ZNF385B: variants seen among roughly 807,000 people sequenced by gnomAD.
The protein encoded by ZNF385B is zinc finger protein 385B.
In ZNF385B, 23 loss-of-function variants were observed where a neutral mutation model predicts 39.2. The ratio of observed to expected loss-of-function variants is 0.59; its 90% confidence interval spans 0.42 to 0.83. The LOEUF (loss-of-function observed/expected upper bound fraction) is 0.83. Among genes scored for constraint, ZNF385B ranks in the 40% least tolerant of loss-of-function variants. The pLI, the probability that ZNF385B is intolerant of heterozygous loss-of-function variation, is 0.00. For missense variants in ZNF385B, 552 were observed against 598.9 expected, an observed-to-expected ratio of 0.92 and a Z score of 0.82; for synonymous variants, 205 against 222.6, an observed-to-expected ratio of 0.92 and a Z score of 0.70.
intron 4 of ZNF385B, among the ~76,000 whole-genome samples, chr2:179,536,693 C>T (rs2105879620): frequency 6.6e-6 from 1 of 152,266 alleles, no homozygotes; most frequent in Non-Finnish European, 1.5e-5. Context: ...CAGAGAGCAA[C>T]TTCTGTCTAA....
rs534708449 is a variant in ZNF385B, at chr2:179,565,630, C to A, written c.299-20661G>T. 9.9e-4 allele frequency among the ~76,000 whole-genome samples: 151 copies of A among 152,358 alleles called. 2 individuals are homozygous for A. The South Asian group carries it at 0.02, about 20-fold the overall frequency. On this transcript the variant is annotated intron_variant, in intron 3 of 9. Coordinates refer to ENST00000410066, the MANE Select transcript of ZNF385B (RefSeq NM_152520.6). ...GTAGTTGCTCCAGAAATGTTCACTG[C>A]ACGAAGCACTAGCTGGTTCTTGGAC...
chr2:179,585,708 TCC>T (rs1687010279), intron 3 of ZNF385B, among the ~76,000 whole-genome samples: 1 of 152,170 alleles, frequency 6.6e-6, no homozygotes, highest in Non-Finnish European at 1.5e-5. Flanking sequence ...TTACAGACTT[TCC>T]TCCTCTTCCC....
At chr2:179,612,455 C>T (rs1689367098) in intron 3 of ZNF385B, among the ~76,000 whole-genome samples, 1 of 150,176 alleles carries the variant, frequency 6.7e-6, no homozygotes, top group Non-Finnish European at 1.5e-5. Context: ...CACTCCAAGC[C>T]CAGTAATGCT....
chr2:179,544,298 T>A, intron 4 of ZNF385B, among the ~76,000 whole-genome samples: 1 of 152,218 alleles, frequency 6.6e-6, no homozygotes, highest in East Asian at 1.9e-4. Context: ...AGTATGTAGA[T>A]TTAAAATGAG....
chr2:179,682,202 T>C lies in ZNF385B; in HGVS notation c.298+87301A>G, dbSNP rs568090813. 2.0e-5 allele frequency among the ~76,000 whole-genome samples: 3 copies of C among 152,336 alleles called. No individual in the cohort carries two copies. In the South Asian group the frequency reaches 6.2e-4, roughly 32 times the overall value. ...GGACCTGCTTTTACTTATTATAGTG[T>C]TCCTCTTCCCCACCTTCCCCTTTCT... On this transcript the variant is annotated intron_variant, in intron 3 of 9. Transcript: ENST00000410066.
chr2:179,711,280 T>C (rs1222801576), intron 3 of ZNF385B, among the ~76,000 whole-genome samples: 1 of 152,190 alleles, frequency 6.6e-6, no homozygotes, highest in Admixed American at 6.5e-5. Flanking sequence ...AACCATGTGG[T>C]TTAATCAATT....
chr2:179,678,038 C>T (rs1697090053), intron 3 of ZNF385B, among the ~76,000 whole-genome samples: 2 of 151,838 alleles, frequency 1.3e-5, no homozygotes, highest in Non-Finnish European at 2.9e-5. Context: ...TATCAAGGGG[C>T]CACAAACCAA....
chr2:179,578,510 G>A (rs1004887526), intron 3 of ZNF385B, among the ~76,000 whole-genome samples: 12 of 152,088 alleles, frequency 7.9e-5, no homozygotes, highest in African/African-American at 2.7e-4. Flanking sequence ...CTGAGACTAT[G>A]AGGCATAGAA....
intron 3 of ZNF385B, among the ~76,000 whole-genome samples, chr2:179,555,507 A>C (rs1253223262): frequency 6.7e-6 from 1 of 149,680 alleles, no homozygotes; most frequent in Admixed American, 6.6e-5. Flanking sequence ...AGAATTTTTA[A>C]AAAATGCAGT....
In ZNF385B at chr2:179,444,792, A is replaced by C. The variant is rs1467671562; in HGVS notation, c.1242+84T>G. 3 of 1,130,542 alleles carry C rather than the reference A, an allele frequency of 2.7e-6. No individual in the cohort carries two copies. The African/African-American group carries it at 4.6e-5, about 17-fold the overall frequency. 70.0% of individuals were successfully genotyped at this position (1,130,542 alleles called of 1,614,324 possible). A position where few individuals can be genotyped will look rare whatever the true frequency, so the allele number is the denominator to read the frequency against. ...AATTTGAAACCTTTCATGACATTAG[A>C]CTCTATGCCCTCCTTGCCCACAATG... is the stretch of plus-strand genomic sequence containing the variant. On this transcript the variant is annotated intron_variant, in intron 9 of 9. Coordinates refer to ENST00000410066, the MANE Select transcript of ZNF385B (RefSeq NM_152520.6).
intron 3 of ZNF385B, among the ~76,000 whole-genome samples, chr2:179,739,065 G>A (rs571855132): frequency 1.3e-5 from 2 of 152,192 alleles, no homozygotes; most frequent in Non-Finnish European, 2.9e-5. Context: ...AATCTCAGCT[G>A]AGCTAGCTAG....
intron 2 of ZNF385B, 50 bp from the exon 3 acceptor site, chr2:179,769,852 T>G (rs559475219): frequency 4.4e-4 from 657 of 1,486,494 alleles, no homozygotes; most frequent in South Asian, 6.8e-4. Flanking sequence ...TATGCCTTAT[T>G]TTCTAGTATG....
intron 1 of ZNF385B, among the ~76,000 whole-genome samples, chr2:179,781,826 T>C (rs1704682601): frequency 6.6e-6 from 1 of 152,080 alleles, no homozygotes; most frequent in Non-Finnish European, 1.5e-5. Flanking sequence ...ATTGAATCAG[T>C]TGTAAATAGC....
At position 179,483,217 on chromosome 2, in the gene ZNF385B, G is replaced by A; in HGVS notation, c.715+55C>T. ...AACTGAGGGCAGGAAAACGGGGTCA[G>A]GGCAGGGGAACAGGAGAAACACAAA... On this transcript the variant is annotated intron_variant, in intron 6 of 9. Transcript: ENST00000410066. 3.1e-6 allele frequency: 5 copies of A among 1,599,728 alleles called. No homozygotes were observed. In the South Asian group the frequency reaches 5.5e-5, roughly 18 times the overall value.
At chr2:179,717,719 C>A (rs955690590) in intron 3 of ZNF385B, among the ~76,000 whole-genome samples, 60 of 152,242 alleles carry the variant, frequency 3.9e-4, no homozygotes, top group African/African-American at 1.4e-3. Flanking sequence ...CAGAGTGAGA[C>A]CCTGTCTCAA....
At chr2:179,598,462 G>A (rs938684439) in intron 3 of ZNF385B, among the ~76,000 whole-genome samples, 8 of 152,014 alleles carry the variant, frequency 5.3e-5, no homozygotes, top group African/African-American at 1.9e-4. Context: ...TGGTTCTAAC[G>A]TGCTTTAGTC....
chr2:179,768,281 A>G (rs937027871), intron 3 of ZNF385B, among the ~76,000 whole-genome samples: 3 of 152,154 alleles, frequency 2.0e-5, no homozygotes, highest in African/African-American at 7.2e-5. Context: ...ATATATAACT[A>G]TAGGTAAATG....
intron 3 of ZNF385B, among the ~76,000 whole-genome samples, chr2:179,761,761 C>CTTTTTTTTTTTTTTT (rs34325728): frequency 4.1e-3 from 447 of 110,112 alleles, no homozygotes; most frequent in Middle Eastern, 6.2e-3. Context: ...TTTTTCTTTT[C>CTTTTTTTTTTTTTTT]TTTTTTTTTT....
chr2:179,518,257 T>C (rs1034864130), intron 5 of ZNF385B, among the ~76,000 whole-genome samples: 1 of 152,212 alleles, frequency 6.6e-6, no homozygotes, highest in Non-Finnish European at 1.5e-5. Context: ...TATTTTTTAT[T>C]GTTGTAATGT....
Sources: allele counts gnomAD v4.1 joint callset (sites outside exome capture counted in the v4.1 genomes callset), GRCh38; gene constraint gnomAD v4.1.1; transcripts MANE v1.5; gene names NCBI Gene and HGNC (gene_info 2026-07-23, HGNC 2026-07-21).